Variants in RNF32 observed in about 807,000 individuals in gnomAD.
RNF32 encodes the protein ring finger protein 32.
A neutral mutation model predicts 41.0 loss-of-function variants in RNF32; 36 were observed. The ratio of observed to expected loss-of-function variants is 0.88; its 90% CI spans 0.67 to 1.16. The LOEUF is 1.16. Among genes scored for constraint, RNF32 ranks in the 50% most tolerant of loss-of-function variants. RNF32 has a pLI of 0.00. For synonymous variants in RNF32, 154 were observed against 160.9 expected, an observed-to-expected ratio of 0.96 and a Z score of 0.32; for missense variants, 413 against 436.7, an observed-to-expected ratio of 0.95 and a Z score of 0.48.
At chr7:156,668,437 A>T (rs558643516) in intron 7 of RNF32, among the ~76,000 whole-genome samples, 2 of 152,312 alleles carry the variant, frequency 1.3e-5, no homozygotes, top group Admixed American at 1.3e-4. Flanking sequence ...GTGACCTGGG[A>T]GAGTGTTCCC....
chr7:156,662,604 C>G (rs1201311339), intron 7 of RNF32, among the ~76,000 whole-genome samples: 1 of 151,952 alleles, frequency 6.6e-6, no homozygotes, highest in African/African-American at 2.4e-5. Flanking sequence ...ACTGCTTGAC[C>G]TGGGACGTTG....
intron 8 of RNF32, chr7:156,676,180 T>G (rs900271879): frequency 3.2e-6 from 4 of 1,253,726 alleles, no homozygotes; most frequent in East Asian, 2.5e-5. Context: ...TGTTGGATGT[T>G]GCTTATCACA....
At chr7:156,662,575 TTC>T (rs376939007) in intron 7 of RNF32, among the ~76,000 whole-genome samples, 19 of 152,060 alleles carry the variant, frequency 1.2e-4, no homozygotes, top group Non-Finnish European at 2.8e-4. Flanking sequence ...TGCGTGTGCT[TTC>T]TCTCTGTCTC....
At chr7:156,661,506 A>G (rs1800665937) in intron 7 of RNF32, among the ~76,000 whole-genome samples, 1 of 152,038 alleles carries the variant, frequency 6.6e-6, no homozygotes. Context: ...TTTTTAGTAG[A>G]CACAGGGATT....
rs923456707 is a variant in RNF32, at chr7:156,670,927, T to G, written c.685-4769T>G. 6.6e-6 allele frequency among the ~76,000 whole-genome samples: 1 copy of G among 152,078 alleles called. No individual in the cohort carries two copies. Among genetic ancestry groups the G allele is most frequent in the Non-Finnish European group, 1.5e-5 (1 of 68,022 alleles). On this transcript the variant is annotated intron_variant, in intron 7 of 8. Transcript: ENST00000317955. The surrounding 1 kb of genome is among the most constrained non-coding windows in gnomAD (Gnocchi z 4.3). ...GTGAGTAAATCTAATAGACATTGAT[T>G]CCACCGAACAAGAAAACTCATGTCT...
chr7:156,656,071 T>C (rs958044693), intron 4 of RNF32, among the ~76,000 whole-genome samples: 1 of 152,268 alleles, frequency 6.6e-6, no homozygotes, highest in African/African-American at 2.4e-5. Flanking sequence ...GATTTTTCCT[T>C]AGTTATAAAC....
intron 7 of RNF32, among the ~76,000 whole-genome samples, chr7:156,667,861 C>CT (rs1801592028): frequency 1.3e-5 from 2 of 152,148 alleles, no homozygotes; most frequent in Non-Finnish European, 2.9e-5. Flanking sequence ...TATGGAAGGA[C>CT]TTTCAGTATA....
At chr7:156,659,103 T>A (rs1800201635) in intron 7 of RNF32, 1 of 1,359,130 alleles carries the variant, frequency 7.4e-7, no homozygotes, top group Non-Finnish European at 9.4e-7. Context: ...GGGGACTTAT[T>A]TAACAATTTC....
intron 7 of RNF32, among the ~76,000 whole-genome samples, chr7:156,674,864 G>A (rs1208981635): frequency 6.6e-6 from 1 of 152,184 alleles, no homozygotes; most frequent in Non-Finnish European, 1.5e-5. Flanking sequence ...CTATGGGACA[G>A]AGCTGATCCT....
chr7:156,645,969 C>A (rs76780079), intron 3 of RNF32, among the ~76,000 whole-genome samples: 1 of 152,132 alleles, frequency 6.6e-6, no homozygotes, highest in Non-Finnish European at 1.5e-5. Flanking sequence ...TAATGTCATT[C>A]TCTATAGAAA....
intron 8 of RNF32, 145 bp from the exon 9 acceptor site, chr7:156,676,274 A>G: frequency 1.3e-6 from 2 of 1,555,298 alleles, no homozygotes; most frequent in Non-Finnish European, 1.7e-6. Context: ...TATAAATAAA[A>G]TGCATGTGAT....
chr7:156,664,261 A>G (rs1801041388), intron 7 of RNF32, among the ~76,000 whole-genome samples: 1 of 152,344 alleles, frequency 6.6e-6, no homozygotes, highest in South Asian at 2.1e-4. Flanking sequence ...CGGGAGTTCG[A>G]GACCAGCCTG....
At chr7:156,657,259 T>C (rs1046375272) in intron 4 of RNF32, among the ~76,000 whole-genome samples, 2 of 152,214 alleles carry the variant, frequency 1.3e-5, no homozygotes, top group South Asian at 2.1e-4. Flanking sequence ...AGGGAAACTT[T>C]CATTTTGTCA....
At position 156,675,677 on chromosome 7, in the gene RNF32, G is replaced by A. The variant is rs1437460613; in HGVS notation, c.685-19G>A. 2.9e-6 allele frequency: 4 copies of A among 1,391,896 alleles called. No individual in the cohort carries two copies. The highest frequency in any genetic ancestry group is 4.1e-6 in the Non-Finnish European group (4 of 983,274). 86.2% of individuals were successfully genotyped at this position (1,391,896 alleles called of 1,614,324 possible). ...ACCGAGCTCAGGTGTGAGCTTACCC[G>A]CCCCCGCCTCCTCCTCAGTTCACAG... On this transcript the variant is annotated intron_variant, in intron 7 of 8. Coordinates refer to ENST00000317955, the MANE Select transcript of RNF32 (RefSeq NM_030936.4).
chr7:156,657,134 G>A (rs1227343896), intron 4 of RNF32, among the ~76,000 whole-genome samples: 2 of 152,176 alleles, frequency 1.3e-5, no homozygotes, highest in African/African-American at 4.8e-5. Context: ...ACAAAAATTG[G>A]GGGGCATAAC....
At chr7:156,663,155 G>T (rs1036302508) in intron 7 of RNF32, among the ~76,000 whole-genome samples, 1 of 152,082 alleles carries the variant, frequency 6.6e-6, no homozygotes, top group African/African-American at 2.4e-5. Flanking sequence ...TCTTAATAAT[G>T]AAAGACACTA....
At position 156,654,670 on chromosome 7, in the gene RNF32, CG is replaced by C. The variant is rs760139126; in HGVS notation, c.370del (p.Val124CysfsTer54). 6 of 1,614,128 alleles carry C rather than the reference CG, an allele frequency of 3.7e-6. No homozygotes were observed. In the South Asian group the frequency reaches 5.5e-5, roughly 15 times the overall value. On this transcript the variant is annotated frameshift_variant, in exon 4 of 9. Coordinates refer to ENST00000317955, the MANE Select transcript of RNF32 (RefSeq NM_030936.4). LOFTEE classifies it high-confidence loss of function. ...AGCGCTCTCTCCTGCAAGGGGACTC[CG>C]TGCAACCATGCCCCATCTGTAAAGA... ...KQRSLLQGDS[V>X]QPCPICKEEF...
rs1797765907 is a variant in RNF32 at position 156,644,695 on chromosome 7, C to G, written c.212C>G (p.Pro71Arg). 1.2e-6 allele frequency: 2 copies of G among 1,612,838 alleles called. No individual in the cohort carries two copies. The highest frequency in any genetic ancestry group is 1.7e-6 in the Non-Finnish European group (2 of 1,179,768). ...DTGLKKTTQC[P>R]KLEDSEKEYV... ...GGACTTAAAAAAACTACACAGTGCC[C>G]CAAACTAGAAGACTCAGAAAAAGAA... is the stretch of plus-strand genomic sequence containing the variant. Residue 71 changes from proline to arginine, a missense_variant, in exon 3 of 9, where the codon CCC (proline) becomes CGC (arginine). Pro to Arg is a moderately radical substitution (Grantham distance 103). Coordinates refer to ENST00000317955, the MANE Select transcript of RNF32 (RefSeq NM_030936.4).
rs150193568 is a variant in RNF32 at position 156,655,907 on chromosome 7, G to C, written c.417+1189G>C. 2.1e-3 allele frequency among the ~76,000 whole-genome samples: 322 copies of C among 152,334 alleles called. 1 individual carries two copies. Among genetic ancestry groups the C allele is most frequent in the African/African-American group, 7.4e-3 (308 of 41,578 alleles). On this transcript the variant is annotated intron_variant, in intron 4 of 8. Transcript: ENST00000317955. ...AGTGTCTGTATGAAGAATGAAAAGT[G>C]AAAGTTACTATCTTATGGGGATCAG...
Sources: allele counts gnomAD v4.1 joint callset (sites outside exome capture counted in the v4.1 genomes callset), GRCh38; gene constraint gnomAD v4.1.1; non-coding constraint Gnocchi (gnomAD v3.1); transcripts MANE v1.5; gene names NCBI Gene and HGNC (gene_info 2026-07-23, HGNC 2026-07-21).